The following PIGF variants were observed in gnomAD, a reference collection of about 807,000 sequenced individuals.
PIGF encodes the protein phosphatidylinositol glycan anchor biosynthesis class F.
A neutral mutation model predicts 26.0 loss-of-function variants in PIGF; 23 were observed. That is an observed-to-expected ratio of 0.88 (90% CI 0.64 to 1.25). PIGF has a LOEUF of 1.25. PIGF is among the 50% of genes most tolerant of loss of function. The pLI, the probability that PIGF is intolerant of heterozygous loss-of-function variation, is 0.00. For synonymous variants in PIGF, 93 were observed against 92.6 expected, an observed-to-expected ratio of 1.00 and a Z score of -0.03; for missense variants, 278 against 249.9, an observed-to-expected ratio of 1.11 and a Z score of -0.76.
chr2:46,617,033 G>C lies in PIGF; in HGVS notation c.-85C>G. ...TGCCTCCTACCATCAGGTACGACGGGCGGCCCAGGCCCACGCGCAGGCGCA... is the reference window on the plus strand; with the variant it reads ...TGCCTCCTACCATCAGGTACGACGGCCGGCCCAGGCCCACGCGCAGGCGCA... On this transcript the variant is annotated 5_prime_UTR_variant, in exon 1 of 6. Coordinates refer to ENST00000281382, the MANE Select transcript of PIGF (RefSeq NM_002643.4). The C allele has an allele frequency of 3.4e-6, 2 of 588,962 alleles. No homozygotes were observed. The highest frequency in any genetic ancestry group is 3.1e-5 in the Admixed American group (1 of 32,528). 36.5% of individuals were successfully genotyped at this position (588,962 alleles called of 1,614,324 possible).
In PIGF at chr2:46,613,702, T is replaced by C. The variant is rs754080063; in HGVS notation, c.312A>G (p.Pro104=). The change falls in exon 3 of 6, where the codon CCA becomes CCG. Residue 104 remains proline, a synonymous_variant. Coordinates refer to ENST00000281382, the MANE Select transcript of PIGF (RefSeq NM_002643.4). ...AAAAATTTCAAACTTACTCTATCAG[T>C]GGTGCTCCATACAGAACAAAAATTA... is the stretch of plus-strand genomic sequence containing the variant. ...FHVIFVLYGA[P]LIELALETFL... is the part of the protein sequence containing the mutation. 6.5e-7 allele frequency: 1 copy of C among 1,542,158 alleles called. No homozygotes were observed. Among genetic ancestry groups the C allele is most frequent in the Non-Finnish European group, 8.8e-7 (1 of 1,131,704 alleles).
At chr2:46,584,977 A>C (rs998399407) in intron 5 of PIGF, among the ~76,000 whole-genome samples, 1 of 152,206 alleles carries the variant, frequency 6.6e-6, no homozygotes, top group East Asian at 1.9e-4. Flanking sequence ...TAGCTTAATC[A>C]GGTATTTTCA....
chr2:46,607,681 G>A (rs536454587), intron 4 of PIGF, among the ~76,000 whole-genome samples: 1 of 152,014 alleles, frequency 6.6e-6, no homozygotes, highest in East Asian at 1.9e-4. Context: ...TGGTTGGGGA[G>A]GCTGTGGAAA....
At position 46,610,949 on chromosome 2, in the gene PIGF, T is replaced by C. The variant is rs575508469; in HGVS notation, c.437+1279A>G. Among the ~76,000 whole-genome samples, 12 of 152,340 alleles carry C rather than the reference T, an allele frequency of 7.9e-5. No individual in the cohort carries two copies. The South Asian group carries it at 1.7e-3, about 21-fold the overall frequency. Reference sequence around the variant, plus strand: ...AAATCACACAAAAATACCCTGTTCATTTCAGTTTCAATGCTTTTATCCATT... The same window carrying C: ...AAATCACACAAAAATACCCTGTTCACTTCAGTTTCAATGCTTTTATCCATT... On this transcript the variant is annotated intron_variant, in intron 4 of 5. Coordinates refer to ENST00000281382, the MANE Select transcript of PIGF (RefSeq NM_002643.4).
chr2:46,581,695 T>C lies in PIGF; in HGVS notation c.547-104A>G, dbSNP rs549383238. 15 of 1,453,416 alleles carry C rather than the reference T, an allele frequency of 1.0e-5. No homozygotes were observed. In the African/African-American group the frequency reaches 1.6e-4, roughly 15 times the overall value. The allele number at this position is 1,453,416 out of a possible 1,614,324, so 90.0% of individuals were successfully genotyped here. On this transcript the variant is annotated intron_variant, in intron 5 of 5. Coordinates refer to ENST00000281382, the MANE Select transcript of PIGF (RefSeq NM_002643.4). Reference sequence around the variant, plus strand: ...TATATTAAAGCTTAATGTGCTTTCTTAAAGAATGCCAAAAGTGTAATAAGG... The same window carrying C: ...TATATTAAAGCTTAATGTGCTTTCTCAAAGAATGCCAAAAGTGTAATAAGG...
chr2:46,611,310 C>A (rs1234124193), intron 4 of PIGF, among the ~76,000 whole-genome samples: 1 of 151,872 alleles, frequency 6.6e-6, no homozygotes, highest in Non-Finnish European at 1.5e-5. Context: ...GTGGTGAAAC[C>A]CTGTCTCTAC....
intron 4 of PIGF, 22 bp from the exon 5 acceptor site, chr2:46,592,605 A>C (rs757392183): frequency 8.0e-7 from 1 of 1,243,296 alleles, no homozygotes; most frequent in African/African-American, 1.5e-5. Context: ...AAATTGGTAC[A>C]TCGTTGGTGG....
At chr2:46,593,458 CAT>C (rs1224227331) in intron 4 of PIGF, among the ~76,000 whole-genome samples, 1 of 152,182 alleles carries the variant, frequency 6.6e-6, no homozygotes, top group Non-Finnish European at 1.5e-5. Context: ...CAGCACACTT[CAT>C]TTATATAAAC....
intron 4 of PIGF, among the ~76,000 whole-genome samples, chr2:46,593,751 T>G (rs1669794725): frequency 6.6e-6 from 1 of 152,192 alleles, no homozygotes; most frequent in Admixed American, 6.5e-5. Flanking sequence ...AATTGCAAGG[T>G]GAAGTTATTG....
At position 46,617,006 on chromosome 2, in the gene PIGF, A is replaced by C; in HGVS notation, c.-58T>G. ...TCCCGCGGAAGGGAAGCGGGGAACT[A>C]CTGCCTCCTACCATCAGGTACGACG... On this transcript the variant is annotated 5_prime_UTR_variant, in exon 1 of 6. Coordinates refer to ENST00000281382, the MANE Select transcript of PIGF (RefSeq NM_002643.4). The C allele has an allele frequency of 1.8e-6, 1 of 568,228 alleles. No individual in the cohort carries two copies. The allele number at this position is 568,228 out of a possible 1,614,324, so 35.2% of individuals were successfully genotyped here. A position where few individuals can be genotyped will look rare whatever the true frequency, so the allele number is the denominator to read the frequency against.
At chr2:46,609,409 GT>G (rs1473701436) in intron 4 of PIGF, among the ~76,000 whole-genome samples, 1 of 152,218 alleles carries the variant, frequency 6.6e-6, no homozygotes, top group Non-Finnish European at 1.5e-5. Flanking sequence ...CAGTAAGGCT[GT>G]TCCACTTTCT....
rs1271614244 is a variant in PIGF at position 46,581,364 on chromosome 2, T to C, written c.*114A>G. 10 of 1,460,150 alleles carry C rather than the reference T, an allele frequency of 6.8e-6. No individual in the cohort carries two copies. The East Asian group carries it at 7.5e-5, about 11-fold the overall frequency. The allele number at this position is 1,460,150 out of a possible 1,614,324, so 90.4% of individuals were successfully genotyped here. On this transcript the variant is annotated 3_prime_UTR_variant, in exon 6 of 6. Transcript: ENST00000281382. Reference sequence around the variant, plus strand: ...AGTTTAAAAAGCTACAATCACATCATGTTGTAACTACGTAAAAAACAGAGC... The same window carrying C: ...AGTTTAAAAAGCTACAATCACATCACGTTGTAACTACGTAAAAAACAGAGC...
intron 4 of PIGF, among the ~76,000 whole-genome samples, chr2:46,593,009 A>T (rs1295232097): frequency 1.3e-5 from 2 of 152,196 alleles, no homozygotes; most frequent in South Asian, 4.1e-4. Flanking sequence ...GTACATATGT[A>T]TATTTCTTCA....
intron 4 of PIGF, among the ~76,000 whole-genome samples, chr2:46,607,830 G>A (rs1426937830): frequency 6.6e-6 from 1 of 152,120 alleles, no homozygotes; most frequent in Admixed American, 6.5e-5. Flanking sequence ...AAGTAGCTGG[G>A]ATTACAGGGG....
intron 4 of PIGF, among the ~76,000 whole-genome samples, chr2:46,609,228 C>G (rs1033063723): frequency 6.6e-6 from 1 of 152,252 alleles, no homozygotes; most frequent in Non-Finnish European, 1.5e-5. Context: ...TTCCTTAAGC[C>G]TCATGAATCA....
At chr2:46,590,937 C>A (rs1669705176) in intron 5 of PIGF, among the ~76,000 whole-genome samples, 1 of 152,118 alleles carries the variant, frequency 6.6e-6, no homozygotes, top group African/African-American at 2.4e-5. Flanking sequence ...TAACTGAAAG[C>A]ACAAAGAATA....
In PIGF at chr2:46,601,274, G is replaced by A. The variant is rs372099758; in HGVS notation, c.438-8691C>T. Among the ~76,000 whole-genome samples the A allele has an allele frequency of 1.3e-3, 200 of 152,166 alleles. 1 individual carries two copies. Among genetic ancestry groups the A allele is most frequent in the African/African-American group, 4.6e-3 (190 of 41,558 alleles). ...GCTCCCCTGTGAACAAACTTAAAAA[G>A]TGACTACAGCAATGTTACAGGCCAG... On this transcript the variant is annotated intron_variant, in intron 4 of 5. Transcript: ENST00000281382.
chr2:46,602,000 A>G (rs1013502487), intron 4 of PIGF, among the ~76,000 whole-genome samples: 1 of 151,896 alleles, frequency 6.6e-6, no homozygotes, highest in Non-Finnish European at 1.5e-5. Flanking sequence ...TATAGTAGTC[A>G]GATTATTACT....
At chr2:46,607,963 G>A (rs1291992445) in intron 4 of PIGF, among the ~76,000 whole-genome samples, 1 of 152,160 alleles carries the variant, frequency 6.6e-6, no homozygotes. Context: ...CTCCCAAAGT[G>A]CTGGGATTAC....
Sources: allele counts gnomAD v4.1 joint callset (sites outside exome capture counted in the v4.1 genomes callset), GRCh38; gene constraint gnomAD v4.1.1; transcripts MANE v1.5; gene names NCBI Gene and HGNC (gene_info 2026-07-23, HGNC 2026-07-21).